ATXN3: variants seen among roughly 807,000 people sequenced by gnomAD.
The protein encoded by ATXN3 is ataxin-3.
In ATXN3, 28 loss-of-function variants were observed where a neutral mutation model predicts 58.2. The observed-to-expected ratio is 0.48, with a 90% CI of 0.36 to 0.66. The LOEUF (loss-of-function observed/expected upper bound fraction) is 0.66, where lower values mean the gene tolerates loss of function less well. Among genes scored for constraint, ATXN3 ranks in the 30% least tolerant of loss-of-function variants. The pLI is 0.00. For synonymous variants in ATXN3, 113 were observed against 138.5 expected (o/e 0.82, Z 1.29); for missense variants, 321 against 422.1 (o/e 0.76, Z 2.10).
intron 10 of ATXN3, among the ~76,000 whole-genome samples, chr14:92,066,097 A>AAAT (rs1555395039): frequency 0.036 from 5,443 of 151,324 alleles, 274 homozygotes; most frequent in African/African-American, 0.12. Flanking sequence ...TACTAAAAAA[A>AAAT]AAATAAATAA....
At chr14:92,076,145 T>G (rs2060307120) in intron 9 of ATXN3, among the ~76,000 whole-genome samples, 1 of 152,140 alleles carries the variant, frequency 6.6e-6, no homozygotes, top group Non-Finnish European at 1.5e-5. Context: ...GAATTATCGT[T>G]ACTACTATAA....
intron 6 of ATXN3, among the ~76,000 whole-genome samples, chr14:92,087,669 T>C (rs927295893): frequency 6.6e-6 from 1 of 152,090 alleles, no homozygotes; most frequent in Non-Finnish European, 1.5e-5. Flanking sequence ...GTGATTATGA[T>C]GACGGATTAC....
chr14:92,102,803 T>A (rs569075167), intron 1 of ATXN3, among the ~76,000 whole-genome samples: 21 of 152,222 alleles, frequency 1.4e-4, no homozygotes, highest in Non-Finnish European at 2.4e-4. Context: ...ATCACACAGG[T>A]AGTAAAAGGC....
At chr14:92,071,511 C>A in intron 9 of ATXN3, 1 of 336,938 alleles carries the variant, frequency 3.0e-6, no homozygotes, top group Non-Finnish European at 5.8e-6. Flanking sequence ...GCAGGAGAAT[C>A]ACTTGAACCG....
intron 6 of ATXN3, chr14:92,083,540 A>T: frequency 3.8e-6 from 2 of 526,388 alleles, no homozygotes; most frequent in Non-Finnish European, 7.2e-6. Flanking sequence ...GGGCCCTACT[A>T]ATATAGTACT....
At chr14:92,098,352 C>T (rs747754080) in intron 1 of ATXN3, among the ~76,000 whole-genome samples, 1 of 152,084 alleles carries the variant, frequency 6.6e-6, no homozygotes, top group East Asian at 1.9e-4. Context: ...GTTTGGGAGG[C>T]CGAGGTGGGT....
upstream of ATXN3, chr14:92,050,633 A>G (rs1182123286): frequency 6.6e-6 from 1 of 152,298 alleles, no homozygotes; most frequent in Non-Finnish European, 1.5e-5. Flanking sequence ...AATATTCCTC[A>G]AAGGAAAACA....
intron 6 of ATXN3, among the ~76,000 whole-genome samples, chr14:92,086,206 G>A (rs542406498): frequency 2.2e-5 from 3 of 138,980 alleles, no homozygotes; most frequent in Non-Finnish European, 3.0e-5. Context: ...CCAGGAATTC[G>A]AGACCAACCT....
At position 92,106,523 on chromosome 14, in the gene ATXN3, A is replaced by G. The variant is rs2141416326; in HGVS notation, c.24+6T>C. On this transcript the variant is annotated splice_donor_region_variant and intron_variant, in intron 1 of 10. Coordinates refer to ENST00000644486, the MANE Select transcript of ATXN3 (RefSeq NM_004993.6). ...AGACAGCTCCCCACCGAACGCGGAC[A>G]CTCACTTTCTCGTGGAAGATGGACT... 1 of 1,612,976 alleles carries G rather than the reference A, an allele frequency of 6.2e-7. No homozygotes were observed. The highest frequency in any genetic ancestry group is 8.5e-7 in the Non-Finnish European group (1 of 1,179,510).
chr14:92,046,987 A>C (rs2057430831), intron 2 of ATXN3, among the ~76,000 whole-genome samples: 1 of 152,226 alleles, frequency 6.6e-6, no homozygotes, highest in East Asian at 1.9e-4. Flanking sequence ...GAAGGTCATC[A>C]ATATATTGAA....
At position 92,067,774 on chromosome 14, in the gene ATXN3, T is replaced by C. The variant is rs541847763; in HGVS notation, c.991+3161A>G. 5.9e-5 allele frequency among the ~76,000 whole-genome samples: 9 copies of C among 152,342 alleles called. No individual in the cohort carries two copies. The South Asian group carries it at 1.7e-3, about 28-fold the overall frequency. The stretch of plus-strand genomic sequence containing the variant: ...TGAATCTTATTTACATCTTCCAATT[T>C]AGCAAGCCTCCACTGACACAGCACT... On this transcript the variant is annotated intron_variant, in intron 10 of 10. Transcript: ENST00000644486.
rs1482249887 is a variant in ATXN3, at chr14:92,059,263, T to C, written c.*5057A>G. On this transcript the variant is annotated 3_prime_UTR_variant, in exon 11 of 11. Transcript: ENST00000644486. ...TAGAATTTACCAACGATGTCAATAA[T>C]CTTCACTCATGAAAGCAAATTAGAA... is the stretch of plus-strand genomic sequence containing the variant. 1 of 152,152 alleles carries C rather than the reference T, an allele frequency of 6.6e-6. No homozygotes were observed. The highest frequency in any genetic ancestry group is 2.4e-5 in the African/African-American group (1 of 41,446). 9.4% of individuals were successfully genotyped at this position (152,152 alleles called of 1,614,324 possible). A position where few individuals can be genotyped will look rare whatever the true frequency, so the allele number is the denominator to read the frequency against.
At position 92,098,367 on chromosome 14, in the gene ATXN3, T is replaced by G. The variant is rs771865735; in HGVS notation, c.25-1529A>C. ...GTTTGGGAGGCCGAGGTGGGTGGACTGCTTGAGGCTGGGAGTTCGAGACCA... is the reference window on the plus strand; with the variant it reads ...GTTTGGGAGGCCGAGGTGGGTGGACGGCTTGAGGCTGGGAGTTCGAGACCA... On this transcript the variant is annotated intron_variant, in intron 1 of 10. Transcript: ENST00000644486. Among the ~76,000 whole-genome samples the G allele has an allele frequency of 2.0e-5, 3 of 152,116 alleles. No homozygotes were observed. In the South Asian group the frequency reaches 6.2e-4, roughly 32 times the overall value.
chr14:92,044,880 C>T (rs1057019656), exon 3 of ATXN3: 2 of 152,020 alleles, frequency 1.3e-5, no homozygotes, highest in African/African-American at 2.4e-5. Context: ...TCCAGTCCAT[C>T]GAGGTTGTAG....
chr14:92,106,467 A>G (rs2068443948), intron 1 of ATXN3, 62 bp downstream of exon 1: 1 of 1,607,404 alleles, frequency 6.2e-7, no homozygotes, highest in Admixed American at 1.7e-5. Context: ...AGAGGCGGTG[A>G]TGCCGCGCTC....
At position 92,064,302 on chromosome 14, in the gene ATXN3, A is replaced by T. The variant is rs765179478; in HGVS notation, c.*18T>A. 7 of 1,538,610 alleles carry T rather than the reference A, an allele frequency of 4.5e-6. No individual in the cohort carries two copies. The highest frequency in any genetic ancestry group is 6.3e-6 in the Non-Finnish European group (7 of 1,113,770). ...TAATGTTGGAAAGTATGAATATCTAAATTATTTTTTAAAGGTATTATTTTT... is the reference window on the plus strand; with the variant it reads ...TAATGTTGGAAAGTATGAATATCTATATTATTTTTTAAAGGTATTATTTTT... On this transcript the variant is annotated 3_prime_UTR_variant, in exon 11 of 11. Coordinates refer to ENST00000644486, the MANE Select transcript of ATXN3 (RefSeq NM_004993.6).
chr14:92,089,684 C>T (rs917463087), intron 5 of ATXN3, among the ~76,000 whole-genome samples: 1 of 152,142 alleles, frequency 6.6e-6, no homozygotes, highest in Non-Finnish European at 1.5e-5. Context: ...AAACTATAAA[C>T]ATTAAACCCT....
At chr14:92,091,956 A>G (rs2063929504) in intron 5 of ATXN3, among the ~76,000 whole-genome samples, 1 of 152,002 alleles carries the variant, frequency 6.6e-6, no homozygotes, top group South Asian at 2.1e-4. Context: ...TTGGCCTCCA[A>G]AAGTGCTGGG....
At chr14:92,052,847 G>A (rs2057453338), upstream of ATXN3, among the ~76,000 whole-genome samples, 1 of 152,194 alleles carries the variant, frequency 6.6e-6, no homozygotes. Context: ...CAGACTGTCT[G>A]CAGGACTGAG....
Sources: allele counts gnomAD v4.1 joint callset (sites outside exome capture counted in the v4.1 genomes callset), GRCh38; gene constraint gnomAD v4.1.1; transcripts MANE v1.5; gene names NCBI Gene and HGNC (gene_info 2026-07-23, HGNC 2026-07-21).